Variants in CHCHD3 observed in about 807,000 individuals in gnomAD.
CHCHD3 encodes the protein coiled-coil-helix-coiled-coil-helix domain containing 3.
A neutral mutation model predicts 38.2 loss-of-function variants in CHCHD3; 20 were observed. The ratio of observed to expected loss-of-function variants is 0.52; its 90% CI spans 0.37 to 0.76. CHCHD3 has a LOEUF of 0.76. Ranked by LOEUF, CHCHD3 falls within the 30% of genes least tolerant of loss-of-function variation. The pLI, the probability that CHCHD3 is intolerant of heterozygous loss-of-function variation, is 0.00. For synonymous variants in CHCHD3, 82 were observed against 100.0 expected, an observed-to-expected ratio of 0.82 and a Z score of 1.07; for missense variants, 245 against 279.2, an observed-to-expected ratio of 0.88 and a Z score of 0.87.
intron 5 of CHCHD3, among the ~76,000 whole-genome samples, chr7:132,865,077 A>AC: frequency 6.6e-6 from 1 of 152,332 alleles, no homozygotes; most frequent in South Asian, 2.1e-4. Flanking sequence ...TAAATACCTA[A>AC]TAAAATTATG....
chr7:133,072,749 G>A (rs926487569), intron 1 of CHCHD3, among the ~76,000 whole-genome samples: 2 of 150,162 alleles, frequency 1.3e-5, no homozygotes, highest in African/African-American at 4.9e-5. Flanking sequence ...TGAGGCAGGA[G>A]AATGGCGTGA....
intron 5 of CHCHD3, among the ~76,000 whole-genome samples, chr7:132,879,923 G>T (rs949616124): frequency 6.6e-6 from 1 of 151,942 alleles, no homozygotes; most frequent in African/African-American, 2.4e-5. Flanking sequence ...ACTCTTAGGG[G>T]TATCATGCTG....
intron 4 of CHCHD3, among the ~76,000 whole-genome samples, chr7:132,946,431 C>A (rs1173034834): frequency 6.6e-6 from 1 of 151,862 alleles, no homozygotes; most frequent in Non-Finnish European, 1.5e-5. Context: ...AAGAGCTCCT[C>A]TATGGTGTTG....
intron 4 of CHCHD3, among the ~76,000 whole-genome samples, chr7:132,960,822 C>CA (rs1268767261): frequency 6.6e-6 from 1 of 151,960 alleles, no homozygotes; most frequent in Non-Finnish European, 1.5e-5. Flanking sequence ...ACTAAAAATA[C>CA]AAAAAATTCA....
intron 4 of CHCHD3, chr7:132,973,153 A>C (rs993538827): frequency 1.3e-5 from 13 of 985,338 alleles, no homozygotes; most frequent in Non-Finnish European, 1.6e-5. Flanking sequence ...CAGTATGTCC[A>C]AATTCAGGCA....
chr7:132,983,487 C>T (rs182331169), intron 3 of CHCHD3, among the ~76,000 whole-genome samples: 72 of 152,278 alleles, frequency 4.7e-4, no homozygotes, highest in African/African-American at 1.7e-3. Context: ...CAGTAGGCAC[C>T]TCCTGTTGCT....
intron 4 of CHCHD3, among the ~76,000 whole-genome samples, chr7:132,910,291 G>A (rs1809911027): frequency 6.6e-6 from 1 of 152,134 alleles, no homozygotes; most frequent in African/African-American, 2.4e-5. Context: ...GTCCAGCATA[G>A]TGCCTGCAAC....
intron 4 of CHCHD3, among the ~76,000 whole-genome samples, chr7:132,914,003 A>G (rs1585632225): frequency 1.6e-5 from 2 of 126,104 alleles, no homozygotes; most frequent in East Asian, 4.6e-4. Context: ...CCAGGCTTCC[A>G]GGCTGGAGTG....
intron 4 of CHCHD3, among the ~76,000 whole-genome samples, chr7:132,945,794 T>C (rs570591394): frequency 6.6e-6 from 1 of 152,014 alleles, no homozygotes; most frequent in South Asian, 2.1e-4. Flanking sequence ...CTCACAAGAT[T>C]TTCTCAATTA....
intron 4 of CHCHD3, among the ~76,000 whole-genome samples, chr7:132,955,176 GT>G (rs1562920078): frequency 1.1e-3 from 151 of 139,474 alleles, no homozygotes; most frequent in African/African-American, 4.4e-3. Flanking sequence ...CTCAGAGGGT[GT>G]GTGTGTGTGT....
intron 2 of CHCHD3, among the ~76,000 whole-genome samples, chr7:133,042,537 CAG>C (rs1384198897): frequency 5.3e-5 from 8 of 152,212 alleles, no homozygotes; most frequent in African/African-American, 1.9e-4. Flanking sequence ...TGCGATGACA[CAG>C]GGGACCAGGC....
intron 2 of CHCHD3, among the ~76,000 whole-genome samples, chr7:133,036,534 T>C (rs2117472127): frequency 6.6e-6 from 1 of 152,280 alleles, no homozygotes; most frequent in African/African-American, 2.4e-5. Context: ...TACAGAAATA[T>C]GTCATATCTG....
rs560428996 is a variant in CHCHD3, at chr7:132,799,910, C to G, written c.525-3333G>C. On this transcript the variant is annotated intron_variant, in intron 6 of 7. Coordinates refer to ENST00000262570, the MANE Select transcript of CHCHD3 (RefSeq NM_017812.4). ...GCAGCCCGCCCTCCCTTTGGCCCTCCCTACCCCACACAGTGGCACCAAAGG... is the reference window on the plus strand; with the variant it reads ...GCAGCCCGCCCTCCCTTTGGCCCTCGCTACCCCACACAGTGGCACCAAAGG... Among the ~76,000 whole-genome samples the G allele has an allele frequency of 5.2e-4, 79 of 152,270 alleles. 1 individual carries two copies. The highest frequency in any genetic ancestry group is 1.8e-3 in the African/African-American group (73 of 41,552).
chr7:133,038,820 G>GA (rs1813751117), intron 2 of CHCHD3, among the ~76,000 whole-genome samples: 1 of 152,220 alleles, frequency 6.6e-6, no homozygotes, highest in Admixed American at 6.5e-5. Flanking sequence ...GGGTGTTCTA[G>GA]AAAATCACTC....
intron 2 of CHCHD3, among the ~76,000 whole-genome samples, chr7:133,030,117 A>G (rs1813459872): frequency 6.6e-6 from 1 of 152,244 alleles, no homozygotes; most frequent in Non-Finnish European, 1.5e-5. Flanking sequence ...AAATAAAAAC[A>G]TGACCTAGCA....
At chr7:132,847,984 A>T (rs1370389682) in intron 5 of CHCHD3, among the ~76,000 whole-genome samples, 1 of 152,174 alleles carries the variant, frequency 6.6e-6, no homozygotes, top group Non-Finnish European at 1.5e-5. Flanking sequence ...AAAGAACAAG[A>T]CGATTGCCTG....
intron 3 of CHCHD3, among the ~76,000 whole-genome samples, chr7:133,000,985 T>C (rs1812556153): frequency 6.6e-6 from 1 of 152,204 alleles, no homozygotes; most frequent in Non-Finnish European, 1.5e-5. Context: ...CAGAGGTACA[T>C]GTTACAACTT....
At chr7:133,008,639 C>T (rs936466686) in intron 3 of CHCHD3, among the ~76,000 whole-genome samples, 8 of 151,892 alleles carry the variant, frequency 5.3e-5, no homozygotes, top group Middle Eastern at 3.2e-3. Flanking sequence ...AAATGACCAC[C>T]GTAATAAAGA....
intron 2 of CHCHD3, among the ~76,000 whole-genome samples, chr7:133,064,789 G>A (rs1216574321): frequency 1.3e-5 from 2 of 152,156 alleles, no homozygotes; most frequent in Non-Finnish European, 2.9e-5. Context: ...ATAAAAGTTA[G>A]GTCATTTGTC....
Sources: allele counts gnomAD v4.1 joint callset (sites outside exome capture counted in the v4.1 genomes callset), GRCh38; gene constraint gnomAD v4.1.1; transcripts MANE v1.5; gene names NCBI Gene and HGNC (gene_info 2026-07-23, HGNC 2026-07-21).